PGGT1B: variants seen among roughly 807,000 people sequenced by gnomAD.
PGGT1B encodes the protein geranylgeranyl transferase type-1 subunit beta.
A neutral mutation model predicts 46.1 loss-of-function variants in PGGT1B; 30 were observed. The observed-to-expected ratio is 0.65, with a 90% CI of 0.49 to 0.88. The LOEUF is 0.88. Among genes scored for constraint, PGGT1B ranks in the 40% least tolerant of loss-of-function variants. The pLI, the probability that PGGT1B is intolerant of heterozygous loss-of-function variation, is 0.00. For synonymous variants in PGGT1B, 170 were observed against 160.0 expected (o/e 1.06, Z -0.47); for missense variants, 376 against 455.9 (o/e 0.82, Z 1.60).
At chr5:115,223,943 T>C (rs1439757610) in intron 6 of PGGT1B, among the ~76,000 whole-genome samples, 1 of 152,192 alleles carries the variant, frequency 6.6e-6, no homozygotes. Flanking sequence ...TTAACTTTCC[T>C]TTCAGTGTTA....
Position 115,207,532 on chromosome 5 carries a change from G to A in PGGT1B, c.*4870C>T, listed in dbSNP as rs938837499. 6.6e-6 allele frequency: 1 copy of A among 151,988 alleles called. No homozygotes were observed. The highest frequency in any genetic ancestry group is 2.1e-4 in the South Asian group (1 of 4,822). The allele number at this position is 151,988 out of a possible 1,614,324, so 9.4% of individuals were successfully genotyped here. A position where few individuals can be genotyped will look rare whatever the true frequency, so the allele number is the denominator to read the frequency against. ...GAGGTAGTGACTGAAAGAGGGTGCT[G>A]ATTTCTGACACCATACATAGATGCT... is the stretch of plus-strand genomic sequence containing the variant. On this transcript the variant is annotated 3_prime_UTR_variant, in exon 9 of 9. Transcript: ENST00000419445.
chr5:115,253,812 G>A (rs1580780061), intron 1 of PGGT1B, among the ~76,000 whole-genome samples: 1 of 151,972 alleles, frequency 6.6e-6, no homozygotes, highest in African/African-American at 2.4e-5. Flanking sequence ...CCAGAGAGGA[G>A]CATTCTTTGG....
At position 115,212,297 on chromosome 5, in the gene PGGT1B, T is replaced by C; in HGVS notation, c.*105A>G. 6.5e-7 allele frequency: 1 copy of C among 1,546,642 alleles called. No individual in the cohort carries two copies. Among genetic ancestry groups the C allele is most frequent in the South Asian group, 1.3e-5 (1 of 79,962 alleles). On this transcript the variant is annotated 3_prime_UTR_variant, in exon 9 of 9. Coordinates refer to ENST00000419445, the MANE Select transcript of PGGT1B (RefSeq NM_005023.4). ...GTGAAATCAGCAGGAGATTTGATTG[T>C]AAGACTCTACCTTTTAAAAAAAGAG... is the stretch of plus-strand genomic sequence containing the variant.
Position 115,216,170 on chromosome 5 carries a change from C to T in PGGT1B, c.952+695G>A, listed in dbSNP as rs917533103. On this transcript the variant is annotated intron_variant, in intron 8 of 8. Coordinates refer to ENST00000419445, the MANE Select transcript of PGGT1B (RefSeq NM_005023.4). ...CTTTTTTTTTTGAGACAAAGAGTCT[C>T]GCTCTGTCACACAGGCTGGAGGGCA... Among the ~76,000 whole-genome samples, 54 of 151,896 alleles carry T rather than the reference C, an allele frequency of 3.6e-4. 2 individuals are homozygous for T. Among genetic ancestry groups the T allele is most frequent in the Non-Finnish European group, 2.9e-5 (2 of 67,972 alleles).
Position 115,209,736 on chromosome 5 carries a change from T to A in PGGT1B, c.*2666A>T, listed in dbSNP as rs1342280367. 4.6e-5 allele frequency: 7 copies of A among 152,152 alleles called. No individual in the cohort carries two copies. Among genetic ancestry groups the A allele is most frequent in the Non-Finnish European group, 1.0e-4 (7 of 68,006 alleles). The allele number at this position is 152,152 out of a possible 1,614,324, so 9.4% of individuals were successfully genotyped here. On this transcript the variant is annotated 3_prime_UTR_variant, in exon 9 of 9. Coordinates refer to ENST00000419445, the MANE Select transcript of PGGT1B (RefSeq NM_005023.4). ...AGAAGAGAGGTTTTAATTACAAAAA[T>A]AATTTTATGATCATTATAAAGAACC...
chr5:115,262,358 T>C (rs568610243), intron 1 of PGGT1B: 150 of 269,048 alleles, frequency 5.6e-4, no homozygotes, highest in African/African-American at 3.3e-3. Flanking sequence ...CACAGAAGTA[T>C]TCATCTAAAA....
Position 115,262,862 on chromosome 5 carries a change from AAGCGACGTC to A in PGGT1B, c.-20_-12del. 27 of 1,611,408 alleles carry A rather than the reference AAGCGACGTC, an allele frequency of 1.7e-5. No individual in the cohort carries two copies. Among genetic ancestry groups the A allele is most frequent in the Non-Finnish European group, 2.2e-5 (26 of 1,179,580 alleles). ...CTCAGTGGCCGCCATGCTGCTCCGG[AAGCGACGTC>A]CGCCGCGACCCGGAATCAGTGCCCG... On this transcript the variant is annotated 5_prime_UTR_variant, in exon 1 of 9. Coordinates refer to ENST00000419445, the MANE Select transcript of PGGT1B (RefSeq NM_005023.4).
At chr5:115,248,814 C>T (rs73255498) in intron 2 of PGGT1B, among the ~76,000 whole-genome samples, 2,034 of 152,234 alleles carry the variant, frequency 0.013, 48 homozygotes, top group African/African-American at 0.046. Flanking sequence ...AATCACTTTG[C>T]GTCTCAGTTT....
intron 1 of PGGT1B, among the ~76,000 whole-genome samples, chr5:115,259,870 C>G (rs1004986426): frequency 1.3e-5 from 2 of 152,048 alleles, no homozygotes; most frequent in African/African-American, 4.8e-5. Flanking sequence ...CTAAACCCTT[C>G]TTCTAGAAGA....
At chr5:115,241,996 G>C (rs1039886613) in intron 2 of PGGT1B, among the ~76,000 whole-genome samples, 1 of 152,122 alleles carries the variant, frequency 6.6e-6, no homozygotes, top group Non-Finnish European at 1.5e-5. Context: ...TAACACAATA[G>C]GGTCTACTGT....
At chr5:115,262,346 T>C (rs1339680394) in intron 1 of PGGT1B, among the ~76,000 whole-genome samples, 1 of 152,196 alleles carries the variant, frequency 6.6e-6, no homozygotes, top group African/African-American at 2.4e-5. Context: ...AGGACAAGGA[T>C]GCACAGAAGT....
rs1717863219 is a variant in PGGT1B at position 115,212,518 on chromosome 5, C to T, written c.1018G>A (p.Val340Ile). 6.2e-7 allele frequency: 1 copy of T among 1,613,506 alleles called. No homozygotes were observed. The highest frequency in any genetic ancestry group is 1.1e-5 in the South Asian group (1 of 91,036). The stretch of plus-strand genomic sequence containing the variant: ...GTGCTTACATTCAGAGCAGGATGAA[C>T]TTTACAAATTCCACTTTCCTCCATT... ...SLMEESGICKVHPALNVSTRT... is the reference protein window; with the variant it reads ...SLMEESGICKIHPALNVSTRT... The change falls in exon 9 of 9, where the codon GTT (valine) becomes ATT (isoleucine). Residue 340 changes from valine to isoleucine, a missense_variant. By Grantham distance (29) the Val-to-Ile change is conservative. This residue lies in a region of PGGT1B where 222 missense variants were observed against 313.6 expected (regional missense o/e 0.71). Coordinates refer to ENST00000419445, the MANE Select transcript of PGGT1B (RefSeq NM_005023.4).
At chr5:115,262,507 C>T (rs267307) in intron 1 of PGGT1B, 494,624 of 564,818 alleles carry the variant, frequency 0.88, 217,037 homozygotes, top group African/African-American at 0.93. Context: ...CTGGAGATGC[C>T]ACAGCCCTCG....
chr5:115,225,076 T>C (rs1756725149), intron 6 of PGGT1B, among the ~76,000 whole-genome samples: 1 of 152,150 alleles, frequency 6.6e-6, no homozygotes, highest in South Asian at 2.1e-4. Context: ...CTAGAATTGT[T>C]CTTTATTATA....
rs1032209650 is a variant in PGGT1B, at chr5:115,210,071, T to A, written c.*2331A>T. The A allele has an allele frequency of 2.6e-5, 4 of 152,074 alleles. No homozygotes were observed. Among genetic ancestry groups the A allele is most frequent in the African/African-American group, 7.2e-5 (3 of 41,432 alleles). 9.4% of individuals were successfully genotyped at this position (152,074 alleles called of 1,614,324 possible). On this transcript the variant is annotated 3_prime_UTR_variant, in exon 9 of 9. Transcript: ENST00000419445. ...AAATAACTAAAGATCTAATAACACATATATATTATAGATCAAATCTAAAAA... is the reference window on the plus strand; with the variant it reads ...AAATAACTAAAGATCTAATAACACAAATATATTATAGATCAAATCTAAAAA...
chr5:115,215,430 T>G (rs750728785), intron 8 of PGGT1B, among the ~76,000 whole-genome samples: 1 of 152,000 alleles, frequency 6.6e-6, no homozygotes, highest in Non-Finnish European at 1.5e-5. Context: ...TCCCAAGTAG[T>G]TGGGATTACA....
rs138069402 is a variant in PGGT1B at position 115,233,755 on chromosome 5, A to G, written c.612+2635T>C. 7.9e-3 allele frequency among the ~76,000 whole-genome samples: 1,195 copies of G among 152,032 alleles called. 21 individuals carry two copies. Among genetic ancestry groups the G allele is most frequent in the African/African-American group, 0.027 (1,125 of 41,506 alleles). On this transcript the variant is annotated intron_variant, in intron 5 of 8. Transcript: ENST00000419445. ...TATACTGAAATATCACTTTTCGACT[A>G]CCAGAAAAAAAGGTAAAAACAAAAA...
chr5:115,221,989 G>C lies in PGGT1B; in HGVS notation c.678C>G (p.Gly226=). Residue 226 remains glycine, a synonymous_variant, in exon 7 of 9, where the codon GGC becomes GGG. Coordinates refer to ENST00000419445, the MANE Select transcript of PGGT1B (RefSeq NM_005023.4). ...TACCCATCAGACATAGTGAGGCAATGCCACAAAAAGTTGATCCTCCTGTTA... is the reference window on the plus strand; with the variant it reads ...TACCCATCAGACATAGTGAGGCAATCCCACAAAAAGTTGATCCTCCTGTTA... ...LESHGGSTFC[G]IASLCLMGKL... is the part of the protein sequence containing the mutation. The C allele has an allele frequency of 6.4e-7, 1 of 1,572,748 alleles. No individual in the cohort carries two copies. The highest frequency in any genetic ancestry group is 8.6e-7 in the Non-Finnish European group (1 of 1,163,680).
At chr5:115,246,335 G>A (rs1301921838) in intron 2 of PGGT1B, among the ~76,000 whole-genome samples, 1 of 146,810 alleles carries the variant, frequency 6.8e-6, no homozygotes, top group Admixed American at 6.9e-5. Context: ...CATCCTGGGT[G>A]ACAGAATGAT....
Sources: gnomAD v4.1 joint callset for allele counts (sites outside exome capture counted in the v4.1 genomes callset) on GRCh38, gnomAD v4.1.1 for gene constraint, gnomAD v4.1.1 regional missense constraint, MANE v1.5 for transcripts, NCBI Gene and HGNC (gene_info 2026-07-23, HGNC 2026-07-21) for gene names.